The following PIEZO2 variants were observed in gnomAD, a reference collection of about 807,000 sequenced individuals.
The protein encoded by PIEZO2 is piezo-type mechanosensitive ion channel component 2.
In PIEZO2, 172 loss-of-function variants were observed where a neutral mutation model predicts 337.3. The observed-to-expected ratio is 0.51, with a 90% CI of 0.45 to 0.58. The LOEUF (loss-of-function observed/expected upper bound fraction) is 0.58, where lower values mean the gene tolerates loss of function less well. Among genes scored for constraint, PIEZO2 ranks in the 20% least tolerant of loss-of-function variants. The pLI is 0.00. For missense variants in PIEZO2, 3,028 were observed against 3,391.3 expected (o/e 0.89, Z 2.66); for synonymous variants, 1,251 against 1,228.5 (o/e 1.02, Z -0.38).
chr18:10,926,769 G>C (rs975010075), intron 3 of PIEZO2, among the ~76,000 whole-genome samples: 12 of 152,170 alleles, frequency 7.9e-5, no homozygotes, highest in Admixed American at 5.2e-4. Flanking sequence ...CCACGACTCT[G>C]AGATGTTCTT....
At position 10,862,507 on chromosome 18, in the gene PIEZO2, C is replaced by G. The variant is rs574294300; in HGVS notation, c.493-5296G>C. 1.3e-5 allele frequency among the ~76,000 whole-genome samples: 2 copies of G among 152,162 alleles called. No individual in the cohort carries two copies. The highest frequency in any genetic ancestry group is 2.9e-5 in the Non-Finnish European group (2 of 68,040). On this transcript the variant is annotated intron_variant, in intron 5 of 55. Coordinates refer to ENST00000674853, the MANE Select transcript of PIEZO2 (RefSeq NM_001378183.1). This position sits in a 1 kb window ranked among gnomAD's most constrained non-coding sequence, Gnocchi z 4.4. ...TACAGCAGTACTGGTTCCATTAAGC[C>G]GTGGCATCCACCATGATTTCCACTC... is the stretch of plus-strand genomic sequence containing the variant.
chr18:10,832,853 T>C (rs9962727), intron 7 of PIEZO2, among the ~76,000 whole-genome samples: 50,051 of 151,856 alleles, frequency 0.33, 8,750 homozygotes, highest in East Asian at 0.63. Context: ...GGATAAGCAT[T>C]TATTTTTGAT....
At position 11,112,491 on chromosome 18, in the gene PIEZO2, A is replaced by T. The variant is rs1252329692; in HGVS notation, c.64+36034T>A. On this transcript the variant is annotated intron_variant, in intron 1 of 55. Transcript: ENST00000674853. This position sits in a 1 kb window ranked among gnomAD's most constrained non-coding sequence, Gnocchi z 4.3. Reference sequence around the variant, plus strand: ...TATTTACATGGAACTACTGAGAGTCAAGTCTCCAAATTTTACACTGACTGA... The same window carrying T: ...TATTTACATGGAACTACTGAGAGTCTAGTCTCCAAATTTTACACTGACTGA... 1.3e-5 allele frequency among the ~76,000 whole-genome samples: 2 copies of T among 152,202 alleles called. No individual in the cohort carries two copies. Among genetic ancestry groups the T allele is most frequent in the African/African-American group, 2.4e-5 (1 of 41,452 alleles).
rs2039335191 is a variant in PIEZO2, at chr18:10,789,316, T to C, written c.1932A>G (p.Glu644=). 2 of 1,537,314 alleles carry C rather than the reference T, an allele frequency of 1.3e-6. No individual in the cohort carries two copies. Among genetic ancestry groups the C allele is most frequent in the East Asian group, 2.4e-5 (1 of 40,902 alleles). The change falls in exon 15 of 56, where the codon GAA becomes GAG. Residue 644 remains glutamate (E), a synonymous_variant. Transcript: ENST00000674853. The stretch of plus-strand genomic sequence containing the variant: ...GCTTCTCTTCCTTCGCTTCCTCTTC[T>C]TCCTCCTCTTTGGGCTCTCCTTCCA... ...IQVEGEPKEE[E]EEEAKEEKQE...
intron 3 of PIEZO2, among the ~76,000 whole-genome samples, chr18:10,911,524 G>A (rs2030474922): frequency 6.6e-6 from 1 of 151,612 alleles, no homozygotes; most frequent in African/African-American, 2.4e-5. Flanking sequence ...GGAGGCCAAG[G>A]CAGGCAGATC....
intron 1 of PIEZO2, among the ~76,000 whole-genome samples, chr18:11,124,163 T>G (rs1165461463): frequency 6.6e-6 from 1 of 152,186 alleles, no homozygotes; most frequent in Non-Finnish European, 1.5e-5. Context: ...GTTGAATGAA[T>G]GAATGAGCAA....
At chr18:10,785,085 C>T (rs2039171937) in intron 16 of PIEZO2, 128 bp from the exon 17 acceptor site, 1 of 1,004,142 alleles carries the variant, frequency 1.0e-6, no homozygotes, top group African/African-American at 1.6e-5. Flanking sequence ...CCCTCTCTCC[C>T]ATATGGTCCA....
intron 2 of PIEZO2, among the ~76,000 whole-genome samples, chr18:11,022,359 T>C (rs2036342029): frequency 6.6e-6 from 1 of 152,220 alleles, no homozygotes; most frequent in Non-Finnish European, 1.5e-5. Context: ...ATCAAGGCAG[T>C]GCAGGAAGCA....
chr18:11,119,846 AC>A (rs1177823666), intron 1 of PIEZO2, among the ~76,000 whole-genome samples: 2 of 152,230 alleles, frequency 1.3e-5, no homozygotes, highest in Non-Finnish European at 2.9e-5. Context: ...AGAGTTTCGA[AC>A]AGTAAATAAA....
rs2145775023 is a variant in PIEZO2, at chr18:11,033,939, CTT to C, written c.160+32186_160+32187del. Among the ~76,000 whole-genome samples the C allele has an allele frequency of 6.6e-6, 1 of 152,110 alleles. No homozygotes were observed. Among genetic ancestry groups the C allele is most frequent in the African/African-American group, 2.4e-5 (1 of 41,490 alleles). Reference sequence around the variant, plus strand: ...GTTTATAACTTTAATACCTGAAAAACTTATACGAGCTAATGTTGTGCTGATTT... The same window carrying C: ...GTTTATAACTTTAATACCTGAAAAACATACGAGCTAATGTTGTGCTGATTT... On this transcript the variant is annotated intron_variant, in intron 2 of 55. Coordinates refer to ENST00000674853, the MANE Select transcript of PIEZO2 (RefSeq NM_001378183.1). The surrounding 1 kb of genome is among the most constrained non-coding windows in gnomAD (Gnocchi z 4.2).
rs531429498 is a variant in PIEZO2, at chr18:10,905,293, A to T, written c.329+5893T>A. Among the ~76,000 whole-genome samples, 13 of 152,314 alleles carry T rather than the reference A, an allele frequency of 8.5e-5. No individual in the cohort carries two copies. The South Asian group carries it at 2.7e-3, about 32-fold the overall frequency. On this transcript the variant is annotated intron_variant, in intron 4 of 55. Transcript: ENST00000674853. ...CCATGTACTGCGGGCTTATAAACTTACAAGGTTGGCCAGGCGTGGTGGTTC... is the reference window on the plus strand; with the variant it reads ...CCATGTACTGCGGGCTTATAAACTTTCAAGGTTGGCCAGGCGTGGTGGTTC...
chr18:11,124,781 A>T (rs1052909325), intron 1 of PIEZO2, among the ~76,000 whole-genome samples: 3 of 152,152 alleles, frequency 2.0e-5, no homozygotes, highest in South Asian at 2.1e-4. Flanking sequence ...CCTGCCCCTC[A>T]GAATAAACAA....
In PIEZO2 at chr18:10,855,322, C is replaced by T. The variant is rs1018425058; in HGVS notation, c.917+31G>A. 3 of 1,503,680 alleles carry T rather than the reference C, an allele frequency of 2.0e-6. No individual in the cohort carries two copies. Among genetic ancestry groups the T allele is most frequent in the Non-Finnish European group, 2.7e-6 (3 of 1,116,646 alleles). The allele number at this position is 1,503,680 out of a possible 1,614,324, so 93.1% of individuals were successfully genotyped here. ...TCCCAAAGGCGTGGGGGGACAACCT[C>T]TCCTGGAAATGCCATAAGGATTTCT... On this transcript the variant is annotated intron_variant, in intron 7 of 55. Transcript: ENST00000674853. The surrounding 1 kb of genome is among the most constrained non-coding windows in gnomAD (Gnocchi z 4.9).
intron 7 of PIEZO2, among the ~76,000 whole-genome samples, chr18:10,816,624 G>A (rs1413737976): frequency 6.6e-6 from 1 of 151,982 alleles, no homozygotes; most frequent in Non-Finnish European, 1.5e-5. Context: ...AAAATCTATA[G>A]ATTTTCTCCA....
intron 3 of PIEZO2, among the ~76,000 whole-genome samples, chr18:10,941,220 C>T (rs1194116427): frequency 2.6e-5 from 4 of 152,078 alleles, no homozygotes; most frequent in Non-Finnish European, 1.5e-5. Flanking sequence ...AAGTGGGAAT[C>T]CTTAGAGAGA....
In PIEZO2 at chr18:10,871,343, C is replaced by T. The variant is rs2042134671; in HGVS notation, c.402G>A (p.Leu134=). 1 of 1,537,212 alleles carries T rather than the reference C, an allele frequency of 6.5e-7. No individual in the cohort carries two copies. The highest frequency in any genetic ancestry group is 1.4e-5 in the African/African-American group (1 of 73,004). The change falls in exon 5 of 56, where the codon CTG becomes CTA. Residue 134 remains leucine (L), a synonymous_variant. Transcript: ENST00000674853. ...TGTTTCTACAGAGGAGCCAGATGGT[C>T]AGACTAGCAATGAACATCCCGATGT... The part of the protein sequence containing the change: ...VPDIGMFIAS[L]TIWLLCRNIV...
chr18:10,800,102 C>T (rs1224320278), intron 11 of PIEZO2, among the ~76,000 whole-genome samples: 1 of 152,106 alleles, frequency 6.6e-6, no homozygotes, highest in Non-Finnish European at 1.5e-5. Flanking sequence ...ATACTATTTT[C>T]ACCTTTTATT....
chr18:11,044,650 C>A (rs1172173477), intron 2 of PIEZO2, among the ~76,000 whole-genome samples: 1 of 152,304 alleles, frequency 6.6e-6, no homozygotes, highest in African/African-American at 2.4e-5. Context: ...ACAAACCTAA[C>A]CCTCACATTC....
rs2038392965 is a variant in PIEZO2, at chr18:10,767,010, C to A, written c.2946+3138G>T. Among the ~76,000 whole-genome samples, 1 of 147,346 alleles carries A rather than the reference C, an allele frequency of 6.8e-6. No individual in the cohort carries two copies. The highest frequency in any genetic ancestry group is 2.0e-4 in the East Asian group (1 of 4,916). The stretch of plus-strand genomic sequence containing the variant: ...ATTCCCTCCCCTCCCCTCCCCTCCC[C>A]TTCCCTCCCCTCCCCTTCCCTTCCT... On this transcript the variant is annotated intron_variant, in intron 21 of 55. Transcript: ENST00000674853. The surrounding 1 kb of genome is among the most constrained non-coding windows in gnomAD (Gnocchi z 4.2).
Sources: allele counts gnomAD v4.1 joint callset (sites outside exome capture counted in the v4.1 genomes callset), GRCh38; gene constraint gnomAD v4.1.1; non-coding constraint Gnocchi (gnomAD v3.1); transcripts MANE v1.5; gene names NCBI Gene and HGNC (gene_info 2026-07-23, HGNC 2026-07-21).